TM9SF2: variants seen among roughly 807,000 people sequenced by gnomAD.
TM9SF2 encodes transmembrane 9 superfamily member 2, also known as 76 kDa membrane protein.
Under a neutral mutation model 84.9 loss-of-function variants are expected in TM9SF2, and 13 were observed. The ratio of observed to expected loss-of-function variants is 0.15; its 90% CI spans 0.10 to 0.24. The LOEUF is 0.24. TM9SF2 is among the 10% of genes least tolerant of loss of function. The pLI, the probability that TM9SF2 is intolerant of heterozygous loss-of-function variation, is 1.00. For missense variants in TM9SF2, 562 were observed against 818.5 expected, an observed-to-expected ratio of 0.69 and a Z score of 3.82; for synonymous variants, 273 against 285.8, an observed-to-expected ratio of 0.96 and a Z score of 0.45.
At chr13:99,560,102 C>T (rs1170562965) in intron 16 of TM9SF2, among the ~76,000 whole-genome samples, 2 of 152,138 alleles carry the variant, frequency 1.3e-5, no homozygotes, top group Non-Finnish European at 2.9e-5. Flanking sequence ...TTCGGTATCT[C>T]ACAGCCCCGG....
At chr13:99,551,363 C>G (rs760337910) in intron 12 of TM9SF2, among the ~76,000 whole-genome samples, 2 of 152,204 alleles carry the variant, frequency 1.3e-5, no homozygotes, top group Non-Finnish European at 2.9e-5. Flanking sequence ...GCACCATGAG[C>G]CAGAGGAACT....
intron 3 of TM9SF2, among the ~76,000 whole-genome samples, chr13:99,522,539 T>C (rs2046165284): frequency 6.6e-6 from 1 of 152,256 alleles, no homozygotes; most frequent in African/African-American, 2.4e-5. Context: ...TTGAATGGTA[T>C]TGCATTCTTC....
chr13:99,547,894 C>G (rs577019577), intron 11 of TM9SF2, among the ~76,000 whole-genome samples: 1 of 152,344 alleles, frequency 6.6e-6, no homozygotes, highest in Non-Finnish European at 1.5e-5. Flanking sequence ...GTTGGGTAGT[C>G]TCAGCCCCCA....
intron 13 of TM9SF2, among the ~76,000 whole-genome samples, chr13:99,552,857 GC>G (rs2046311659): frequency 6.6e-6 from 1 of 152,188 alleles, no homozygotes; most frequent in Non-Finnish European, 1.5e-5. Context: ...ACCTGCCTGG[GC>G]CTCCCAAAGT....
intron 16 of TM9SF2, among the ~76,000 whole-genome samples, chr13:99,559,753 T>C (rs1401275232): frequency 1.3e-5 from 2 of 151,458 alleles, no homozygotes; most frequent in African/African-American, 4.9e-5. Flanking sequence ...GTCATAATTG[T>C]GGTAAAGGTT....
chr13:99,539,701 A>G (rs2046250161), intron 7 of TM9SF2, 144 bp downstream of exon 7: 1 of 620,152 alleles, frequency 1.6e-6, no homozygotes, highest in African/African-American at 1.8e-5. Context: ...TCGGTGTACC[A>G]AGCAACATAA....
At chr13:99,522,088 T>A (rs965175580) in intron 3 of TM9SF2, among the ~76,000 whole-genome samples, 2 of 152,142 alleles carry the variant, frequency 1.3e-5, no homozygotes, top group African/African-American at 2.4e-5. Context: ...TGGCAAGATC[T>A]CAGCTCACTG....
In TM9SF2 at chr13:99,539,345, T is replaced by C. The variant is rs866342873; in HGVS notation, c.717-101T>C. The C allele has an allele frequency of 7.0e-5, 51 of 728,896 alleles. 1 individual carries two copies. The African/African-American group carries it at 7.5e-4, about 11-fold the overall frequency. The allele number at this position is 728,896 out of a possible 1,614,324, so 45.2% of individuals were successfully genotyped here. On this transcript the variant is annotated intron_variant, in intron 6 of 16. Coordinates refer to ENST00000376387, the MANE Select transcript of TM9SF2 (RefSeq NM_004800.3). The stretch of plus-strand genomic sequence containing the variant: ...AGTGTGACATGAATAATTTCACCTT[T>C]GTCAGCAGCATTTTAAAATACGTAC...
intron 4 of TM9SF2, among the ~76,000 whole-genome samples, chr13:99,535,102 T>C (rs570645097): frequency 1.3e-5 from 2 of 152,282 alleles, no homozygotes; most frequent in East Asian, 1.9e-4. Flanking sequence ...CAGAAAGCCA[T>C]GATCATGCTA....
At chr13:99,523,772 G>T (rs2046170359) in intron 3 of TM9SF2, among the ~76,000 whole-genome samples, 1 of 152,166 alleles carries the variant, frequency 6.6e-6, no homozygotes, top group South Asian at 2.1e-4. Flanking sequence ...ATGGGGAAAA[G>T]GAGACAAAAT....
intron 3 of TM9SF2, 77 bp from the exon 4 acceptor site, chr13:99,529,390 T>G: frequency 7.4e-7 from 1 of 1,353,468 alleles, no homozygotes; most frequent in Non-Finnish European, 9.7e-7. Flanking sequence ...GACCAGCACT[T>G]TTACTCTATT....
chr13:99,555,061 GTA>G, intron 14 of TM9SF2, among the ~76,000 whole-genome samples: 1 of 152,310 alleles, frequency 6.6e-6, no homozygotes, highest in Admixed American at 6.5e-5. Context: ...TCACATTGAC[GTA>G]TGTTACAGGA....
chr13:99,511,230 C>G (rs979337317), intron 1 of TM9SF2, among the ~76,000 whole-genome samples: 6 of 151,950 alleles, frequency 3.9e-5, no homozygotes, highest in Non-Finnish European at 5.9e-5. Flanking sequence ...TTTCACTCAC[C>G]TAGACCACCT....
At chr13:99,558,461 A>G (rs1048875374) in intron 15 of TM9SF2, among the ~76,000 whole-genome samples, 1 of 152,236 alleles carries the variant, frequency 6.6e-6, no homozygotes, top group African/African-American at 2.4e-5. Flanking sequence ...GTACGTAAAC[A>G]TGGGATGTCT....
At chr13:99,562,612 G>A in intron 16 of TM9SF2, 79 bp from the exon 17 acceptor site, 1 of 1,396,038 alleles carries the variant, frequency 7.2e-7, no homozygotes, top group Non-Finnish European at 9.9e-7. Context: ...TAAGGAACCA[G>A]TCATTGTAAG....
intron 3 of TM9SF2, among the ~76,000 whole-genome samples, chr13:99,526,451 T>C (rs963807409): frequency 2.6e-5 from 4 of 152,188 alleles, no homozygotes; most frequent in Admixed American, 6.5e-5. Context: ...ACAGGGGGCA[T>C]GTGAGGCCAC....
At chr13:99,525,553 ATT>A (rs34947354) in intron 3 of TM9SF2, among the ~76,000 whole-genome samples, 46 of 119,444 alleles carry the variant, frequency 3.9e-4, no homozygotes, top group Admixed American at 7.0e-4. Context: ...CTTATGATAG[ATT>A]TTTTTTTTTT....
chr13:99,544,036 TA>T, intron 10 of TM9SF2, 41 bp downstream of exon 10: 2 of 1,606,432 alleles, frequency 1.2e-6, no homozygotes, highest in Non-Finnish European at 8.5e-7. Flanking sequence ...AAATACTTTC[TA>T]AATACAGTAA....
chr13:99,559,794 T>C (rs2046337032), intron 16 of TM9SF2, among the ~76,000 whole-genome samples: 2 of 151,942 alleles, frequency 1.3e-5, no homozygotes, highest in African/African-American at 4.8e-5. Context: ...CAGCTCATGG[T>C]TTTCGTCTGT....
Sources: gnomAD v4.1 joint callset for allele counts (sites outside exome capture counted in the v4.1 genomes callset) on GRCh38, gnomAD v4.1.1 for gene constraint, MANE v1.5 for transcripts, NCBI Gene and HGNC (gene_info 2026-07-23, HGNC 2026-07-21) for gene names.